Variants in PKHD1 observed in about 807,000 individuals in gnomAD.
The protein encoded by PKHD1 is PKHD1 ciliary IPT domain containing fibrocystin/polyductin.
PKHD1 carries 291 observed loss-of-function variants against 412.0 expected under a neutral mutation model. That is an observed-to-expected ratio of 0.71 (90% confidence interval 0.64 to 0.78). The LOEUF (loss-of-function observed/expected upper bound fraction) is 0.78. Ranked by LOEUF, PKHD1 falls within the 30% of genes least tolerant of loss-of-function variation. The pLI is 0.00. For synonymous variants in PKHD1, 1,777 were observed against 1,821.5 expected (o/e 0.98, Z 0.62); for missense variants, 4,825 against 4,950.7 (o/e 0.97, Z 0.76).
At chr6:51,697,625 C>T (rs1778955378) in intron 60 of PKHD1, among the ~76,000 whole-genome samples, 1 of 152,196 alleles carries the variant, frequency 6.6e-6, no homozygotes, top group Admixed American at 6.5e-5. Context: ...AAAATATCTG[C>T]AGACATTGCC....
chr6:51,832,785 A>AT (rs755021099), intron 51 of PKHD1, among the ~76,000 whole-genome samples: 94 of 152,226 alleles, frequency 6.2e-4, no homozygotes, highest in Non-Finnish European at 1.1e-3. Context: ...ACACTTAGTT[A>AT]TTTTTTCTAC....
intron 60 of PKHD1, among the ~76,000 whole-genome samples, 185 bp from the exon 61 acceptor site, chr6:51,660,154 C>A (rs988327488): frequency 6.6e-6 from 1 of 151,660 alleles, no homozygotes; most frequent in Non-Finnish European, 1.5e-5. Context: ...AATAATAGTT[C>A]TTTAATATAT....
chr6:51,900,764 C>T (rs1318919205), intron 43 of PKHD1, among the ~76,000 whole-genome samples: 3 of 151,554 alleles, frequency 2.0e-5, no homozygotes, highest in Non-Finnish European at 4.4e-5. Context: ...ATTTTCACAA[C>T]CTACTCATCT....
intron 36 of PKHD1, among the ~76,000 whole-genome samples, chr6:51,958,369 T>C (rs893499127): frequency 6.6e-6 from 1 of 152,074 alleles, no homozygotes; most frequent in Non-Finnish European, 1.5e-5. Context: ...AAACCACTAT[T>C]GGAGGTTGGG....
chr6:51,689,166 T>A (rs1777840217), intron 60 of PKHD1, among the ~76,000 whole-genome samples: 1 of 152,216 alleles, frequency 6.6e-6, no homozygotes, highest in African/African-American at 2.4e-5. Flanking sequence ...GTAGTCTTCA[T>A]CCTCAGGATG....
chr6:51,619,077 C>A lies in PKHD1; in HGVS notation c.*4G>T. On this transcript the variant is annotated 3_prime_UTR_variant, in exon 67 of 67. Transcript: ENST00000371117. ...TTCAGGCCAAATGCCCCCAACTTCC[C>A]TGATCACAGTTGCTCCTGAATAGTT... 1 of 1,613,974 alleles carries A rather than the reference C, an allele frequency of 6.2e-7. No individual in the cohort carries two copies. Among genetic ancestry groups the A allele is most frequent in the Non-Finnish European group, 8.5e-7 (1 of 1,179,860 alleles).
intron 35 of PKHD1, among the ~76,000 whole-genome samples, chr6:52,008,409 T>C (rs2128112059): frequency 6.6e-6 from 1 of 152,270 alleles, no homozygotes; most frequent in Middle Eastern, 3.4e-3. Context: ...CTCTTAAAAG[T>C]GGGGTCTCTT....
chr6:51,951,912 G>T (rs537261909), intron 36 of PKHD1, among the ~76,000 whole-genome samples: 1 of 152,132 alleles, frequency 6.6e-6, no homozygotes, highest in African/African-American at 2.4e-5. Context: ...CCAATGAAAG[G>T]TTTTAAGTAA....
chr6:51,748,629 A>C lies in PKHD1; in HGVS notation c.8987T>G (p.Phe2996Cys), dbSNP rs759037706. ...AACAGATGAGTACAATGGTGACCCG[A>C]AGTTCTGAATTTCCACATTAAGAAG... ...LQLLNVEIQN[F>C]GSPLYSSVEF... The change falls in exon 58 of 67, where the codon TTC becomes TGC. Residue 2996 changes from phenylalanine to cysteine, a missense_variant. Phe to Cys is a radical substitution (Grantham distance 205). Coordinates refer to ENST00000371117, the MANE Select transcript of PKHD1 (RefSeq NM_138694.4). 1 of 1,613,816 alleles carries C rather than the reference A, an allele frequency of 6.2e-7. No individual in the cohort carries two copies.
In PKHD1 at chr6:51,886,834, A is replaced by G. The variant is rs754800964; in HGVS notation, c.7109+299T>C. On this transcript the variant is annotated intron_variant, in intron 44 of 66. Transcript: ENST00000371117. ...GTCAAACGTTCTTACAGTAATAATAATAATTCAAATAAAGAGGCTCTGGAG... is the reference window on the plus strand; with the variant it reads ...GTCAAACGTTCTTACAGTAATAATAGTAATTCAAATAAAGAGGCTCTGGAG... 3.6e-4 allele frequency among the ~76,000 whole-genome samples: 55 copies of G among 152,232 alleles called. 1 individual carries two copies. Among genetic ancestry groups the G allele is most frequent in the Non-Finnish European group, 7.3e-5 (5 of 68,032 alleles).
intron 36 of PKHD1, among the ~76,000 whole-genome samples, chr6:51,949,839 A>G (rs1583523915): frequency 6.6e-6 from 1 of 151,986 alleles, no homozygotes; most frequent in African/African-American, 2.4e-5. Flanking sequence ...GAATACCTAA[A>G]CCTAGCAACC....
chr6:51,787,362 G>GAAAAAA (rs568684500), intron 53 of PKHD1, among the ~76,000 whole-genome samples: 3 of 133,854 alleles, frequency 2.2e-5, no homozygotes, highest in Admixed American at 7.6e-5. Context: ...TCCATCTCAA[G>GAAAAAA]AAAAAAAAAA....
intron 37 of PKHD1, among the ~76,000 whole-genome samples, chr6:51,921,424 G>T (rs1193899859): frequency 3.9e-5 from 6 of 152,144 alleles, no homozygotes; most frequent in Non-Finnish European, 5.9e-5. Context: ...CTCTTCTCAA[G>T]GAGTATCTTT....
chr6:51,662,447 C>T (rs635207), intron 60 of PKHD1, among the ~76,000 whole-genome samples: 1 of 151,624 alleles, frequency 6.6e-6, no homozygotes. Context: ...ATAGTATATC[C>T]TAAATATTTA....
chr6:51,818,878 A>G (rs571047096), intron 52 of PKHD1, among the ~76,000 whole-genome samples: 1 of 152,326 alleles, frequency 6.6e-6, no homozygotes, highest in African/African-American at 2.4e-5. Flanking sequence ...GAGGACAAAA[A>G]GGTAGAAGGG....
At chr6:51,955,204 T>C (rs1168878987) in intron 36 of PKHD1, among the ~76,000 whole-genome samples, 5 of 151,772 alleles carry the variant, frequency 3.3e-5, no homozygotes, top group Admixed American at 6.6e-5. Context: ...AATATTTTTT[T>C]TTTAAAAAAG....
chr6:51,994,882 C>A (rs944905199), intron 35 of PKHD1, among the ~76,000 whole-genome samples: 2 of 152,150 alleles, frequency 1.3e-5, no homozygotes, highest in Admixed American at 6.5e-5. Flanking sequence ...CTCGCCCAGC[C>A]ATGAGGTTTT....
chr6:51,662,010 A>C (rs1427233288), intron 60 of PKHD1, among the ~76,000 whole-genome samples: 1 of 152,024 alleles, frequency 6.6e-6, no homozygotes, highest in Admixed American at 6.6e-5. Context: ...AGTAGGGCAC[A>C]TGTTTTACTT....
intron 65 of PKHD1, among the ~76,000 whole-genome samples, chr6:51,631,132 T>C (rs1198674568): frequency 6.6e-6 from 1 of 152,144 alleles, no homozygotes. Flanking sequence ...GCATGGCTAC[T>C]AGGTTTAGAT....
Sources: allele counts gnomAD v4.1 joint callset (sites outside exome capture counted in the v4.1 genomes callset), GRCh38; gene constraint gnomAD v4.1.1; transcripts MANE v1.5; gene names NCBI Gene and HGNC (gene_info 2026-07-23, HGNC 2026-07-21).